RBMS3: variants seen among roughly 807,000 people sequenced by gnomAD.
The protein encoded by RBMS3 is RNA binding motif single stranded interacting protein 3, also known as RNA-binding motif, single-stranded-interacting protein 3.
RBMS3 carries 27 observed loss-of-function variants against 66.8 expected under a neutral mutation model. The observed-to-expected ratio is 0.40, with a 90% CI of 0.30 to 0.56. RBMS3 has a LOEUF of 0.56. Among genes scored for constraint, RBMS3 ranks in the 20% least tolerant of loss-of-function variants. RBMS3 has a pLI of 0.40. For synonymous variants in RBMS3, 188 were observed against 183.0 expected (o/e 1.03, Z -0.22); for missense variants, 513 against 549.5 (o/e 0.93, Z 0.66).
rs1475065130 is a variant in RBMS3 at position 29,786,862 on chromosome 3, G to T, written c.637+23873G>T. 2.0e-5 allele frequency among the ~76,000 whole-genome samples: 3 copies of T among 152,244 alleles called. No homozygotes were observed. In the East Asian group the frequency reaches 5.8e-4, roughly 29 times the overall value. ...AGATGGGATTTAATTAAACTAAAAA[G>T]CTTCTGCACAGGAAAAGAAATAATG... On this transcript the variant is annotated intron_variant, in intron 6 of 14. Transcript: ENST00000383767.
chr3:29,424,203 G>A (rs2125706751), intron 1 of RBMS3, among the ~76,000 whole-genome samples: 1 of 152,318 alleles, frequency 6.6e-6, no homozygotes, highest in African/African-American at 2.4e-5. Flanking sequence ...AATTTTAGGT[G>A]ATCCTTGAGG....
intron 3 of RBMS3, among the ~76,000 whole-genome samples, chr3:29,514,230 C>T (rs1462972544): frequency 6.6e-6 from 1 of 152,006 alleles, no homozygotes; most frequent in African/African-American, 2.4e-5. Flanking sequence ...CACAATTCTC[C>T]ATTCTTCTAA....
chr3:29,783,755 G>T (rs2149414295), intron 6 of RBMS3, among the ~76,000 whole-genome samples: 1 of 152,234 alleles, frequency 6.6e-6, no homozygotes, highest in South Asian at 2.1e-4. Flanking sequence ...CAGAATGGCA[G>T]AATGGATAAA....
intron 4 of RBMS3, among the ~76,000 whole-genome samples, chr3:29,609,339 G>A (rs377411882): frequency 2.6e-5 from 4 of 152,040 alleles, no homozygotes; most frequent in African/African-American, 9.6e-5. Flanking sequence ...TGACCAGGAA[G>A]CACAGACCTC....
intron 1 of RBMS3, among the ~76,000 whole-genome samples, chr3:29,312,560 T>C (rs1432305818): frequency 2.0e-5 from 3 of 151,782 alleles, no homozygotes; most frequent in Admixed American, 2.0e-4. Flanking sequence ...TTCTGAACTC[T>C]TGCACTCTCT....
chr3:29,601,162 T>C (rs1258122915), intron 4 of RBMS3, among the ~76,000 whole-genome samples: 1 of 151,550 alleles, frequency 6.6e-6, no homozygotes, highest in Non-Finnish European at 1.5e-5. Flanking sequence ...TTTTACATAA[T>C]AAAGATGTAT....
chr3:29,994,727 G>A (rs1559874072), intron 14 of RBMS3, among the ~76,000 whole-genome samples: 4 of 152,182 alleles, frequency 2.6e-5, no homozygotes, highest in Admixed American at 2.0e-4. Flanking sequence ...CTGTTAGAAG[G>A]AAAACTAACA....
chr3:29,284,609 A>G (rs891376880), intron 1 of RBMS3, among the ~76,000 whole-genome samples: 1 of 152,062 alleles, frequency 6.6e-6, no homozygotes, highest in African/African-American at 2.4e-5. Flanking sequence ...CTCTGCTCCT[A>G]TTATTTTCCA....
chr3:29,909,279 A>T (rs2060461024), intron 10 of RBMS3, among the ~76,000 whole-genome samples: 1 of 152,154 alleles, frequency 6.6e-6, no homozygotes, highest in African/African-American at 2.4e-5. Context: ...TCAGAATTTA[A>T]GTTTACTTTG....
intron 1 of RBMS3, among the ~76,000 whole-genome samples, chr3:29,409,540 A>G (rs1371100783): frequency 6.6e-6 from 1 of 152,258 alleles, no homozygotes; most frequent in Non-Finnish European, 1.5e-5. Context: ...CTTACAGCAT[A>G]GTGGATGGGT....
At chr3:29,919,705 AC>A (rs2060720418) in intron 10 of RBMS3, among the ~76,000 whole-genome samples, 1 of 152,148 alleles carries the variant, frequency 6.6e-6, no homozygotes, top group Non-Finnish European at 1.5e-5. Flanking sequence ...CCTGCCTTGA[AC>A]TACATTCAAG....
chr3:29,517,011 G>C (rs564460343), intron 3 of RBMS3, among the ~76,000 whole-genome samples: 1 of 151,890 alleles, frequency 6.6e-6, no homozygotes, highest in African/African-American at 2.4e-5. Context: ...CCAAAAGTCC[G>C]AGAACAGCCT....
chr3:29,666,535 T>C (rs1437391591), intron 4 of RBMS3, among the ~76,000 whole-genome samples: 1 of 152,230 alleles, frequency 6.6e-6, no homozygotes, highest in Non-Finnish European at 1.5e-5. Context: ...CAGAATCTTA[T>C]ATGGCTAACA....
At chr3:29,639,533 T>C (rs146134938) in intron 4 of RBMS3, among the ~76,000 whole-genome samples, 28 of 151,386 alleles carry the variant, frequency 1.8e-4, no homozygotes, top group African/African-American at 6.6e-4. Context: ...AAATGTTCAC[T>C]GTAAAATACT....
At chr3:29,497,973 A>ACTT (rs2043818679) in intron 3 of RBMS3, among the ~76,000 whole-genome samples, 8 of 43,416 alleles carry the variant, frequency 1.8e-4, no homozygotes, top group African/African-American at 6.9e-4. Flanking sequence ...AAAAGTATTC[A>ACTT]TTTTTTTTTT....
chr3:29,998,090 T>A (rs1389200613), intron 14 of RBMS3, among the ~76,000 whole-genome samples: 1 of 152,152 alleles, frequency 6.6e-6, no homozygotes, highest in Non-Finnish European at 1.5e-5. Flanking sequence ...ACAAAATCAA[T>A]GTACAAAAAT....
At chr3:29,682,294 C>T (rs1296152473) in intron 4 of RBMS3, among the ~76,000 whole-genome samples, 10 of 152,130 alleles carry the variant, frequency 6.6e-5, no homozygotes, top group African/African-American at 1.9e-4. Flanking sequence ...TACAGGCACA[C>T]GCCACCATGT....
Position 29,648,263 on chromosome 3 carries a change from A to ATTTTTTTTTTTTTTTTTTTT in RBMS3, c.399+61061_399+61080dup, listed in dbSNP as rs749839563. 6.6e-4 allele frequency among the ~76,000 whole-genome samples: 51 copies of ATTTTTTTTTTTTTTTTTTTT among 77,642 alleles called. 7 individuals carry two copies. Among genetic ancestry groups the ATTTTTTTTTTTTTTTTTTTT allele is most frequent in the African/African-American group, 1.0e-3 (20 of 19,130 alleles). The allele number at this position is 77,642 out of a possible 152,430, so 50.9% of individuals were successfully genotyped here. ...AACATAGGGAAAATAGAAAATGTCTATTTTTTTTTTTTTTTTTTTTTTGCG... is the reference window on the plus strand; with the variant it reads ...AACATAGGGAAAATAGAAAATGTCTATTTTTTTTTTTTTTTTTTTTTTTTTTTTTTTTTTTTTTTTTTGCG... On this transcript the variant is annotated intron_variant, in intron 4 of 14. Coordinates refer to ENST00000383767, the MANE Select transcript of RBMS3 (RefSeq NM_001003793.3).
At position 29,344,131 on chromosome 3, in the gene RBMS3, CCTTTCCTT is replaced by C. The variant is rs1372780921; in HGVS notation, c.75+62385_75+62392del. On this transcript the variant is annotated intron_variant, in intron 1 of 14. Coordinates refer to ENST00000383767, the MANE Select transcript of RBMS3 (RefSeq NM_001003793.3). ...TTTCTCCCTTTTCTCCTCCCTCCCTCCTTTCCTTCTTTCCTTCCTTCCTTACGTCTGTC... is the reference window on the plus strand; with the variant it reads ...TTTCTCCCTTTTCTCCTCCCTCCCTCCTTTCCTTCCTTCCTTACGTCTGTC... Among the ~76,000 whole-genome samples, 8 of 152,280 alleles carry C rather than the reference CCTTTCCTT, an allele frequency of 5.3e-5. No homozygotes were observed. The South Asian group carries it at 1.2e-3, about 24-fold the overall frequency.
Sources: allele counts gnomAD v4.1 joint callset (sites outside exome capture counted in the v4.1 genomes callset), GRCh38; gene constraint gnomAD v4.1.1; transcripts MANE v1.5; gene names NCBI Gene and HGNC (gene_info 2026-07-23, HGNC 2026-07-21).